CSMD1: variants seen among roughly 807,000 people sequenced by gnomAD.
CSMD1 encodes CUB and Sushi multiple domains 1.
CSMD1 carries 213 observed loss-of-function variants against 417.5 expected under a neutral mutation model. The observed-to-expected ratio is 0.51, with a 90% CI of 0.46 to 0.57. CSMD1 has a LOEUF of 0.57. CSMD1 is among the 20% of genes least tolerant of loss of function. The pLI is 0.00. For synonymous variants in CSMD1, 2,862 were observed against 1,736.8 expected, an observed-to-expected ratio of 1.65 and a Z score of -16.11; for missense variants, 6,923 against 4,529.7, an observed-to-expected ratio of 1.53 and a Z score of -15.17.
At chr8:4,808,979 A>C (rs562990431) in intron 1 of CSMD1, among the ~76,000 whole-genome samples, 6 of 152,320 alleles carry the variant, frequency 3.9e-5, no homozygotes, top group Admixed American at 3.9e-4. Context: ...AATCTTGTTT[A>C]AAATTGGAGG....
At chr8:4,952,947 T>G (rs956781091) in intron 1 of CSMD1, among the ~76,000 whole-genome samples, 1 of 152,216 alleles carries the variant, frequency 6.6e-6, no homozygotes, top group African/African-American at 2.4e-5. Context: ...GACATGGCAG[T>G]AATTGATACA....
intron 2 of CSMD1, among the ~76,000 whole-genome samples, chr8:4,580,953 A>G (rs901595362): frequency 1.3e-5 from 2 of 152,208 alleles, no homozygotes; most frequent in African/African-American, 4.8e-5. Context: ...TTTAGGTGAA[A>G]AGATAGACAA....
At chr8:2,982,543 G>T (rs1405741982) in intron 54 of CSMD1, among the ~76,000 whole-genome samples, 1 of 152,136 alleles carries the variant, frequency 6.6e-6, no homozygotes, top group Non-Finnish European at 1.5e-5. Context: ...AGATTTGATG[G>T]TGAATTATTT....
intron 18 of CSMD1, among the ~76,000 whole-genome samples, chr8:3,383,529 C>G (rs945440692): frequency 6.6e-6 from 1 of 151,906 alleles, no homozygotes; most frequent in Non-Finnish European, 1.5e-5. Flanking sequence ...AAGCCTTCTT[C>G]CACACTAGGA....
chr8:4,360,829 T>C (rs1016799871), intron 3 of CSMD1, among the ~76,000 whole-genome samples: 10 of 151,744 alleles, frequency 6.6e-5, no homozygotes, highest in Admixed American at 2.0e-4. Context: ...CCTGACACAA[T>C]TAATCACGGA....
chr8:3,317,455 T>A (rs1805848707), intron 23 of CSMD1, among the ~76,000 whole-genome samples: 1 of 152,196 alleles, frequency 6.6e-6, no homozygotes, highest in African/African-American at 2.4e-5. Flanking sequence ...TTGTATTCTC[T>A]GTTGTTCTGG....
rs71205410 is a variant in CSMD1 at position 4,051,879 on chromosome 8, TCTTCCTTCCTTC to T, written c.416-19792_416-19781del. On this transcript the variant is annotated intron_variant, in intron 3 of 69. Coordinates refer to ENST00000635120, the MANE Select transcript of CSMD1 (RefSeq NM_033225.6). ...CTCTTTCTTTCTTTCCTTCCTCCTTTCTTCCTTCCTTCCTTCCTTCCTTCCTTCCTTCCTTTC... is the reference window on the plus strand; with the variant it reads ...CTCTTTCTTTCTTTCCTTCCTCCTTTCTTCCTTCCTTCCTTCCTTCCTTTC... Among the ~76,000 whole-genome samples the T allele has an allele frequency of 9.7e-5, 6 of 61,942 alleles. No homozygotes were observed. In the South Asian group the frequency reaches 1.4e-3, roughly 15 times the overall value. 40.6% of individuals were successfully genotyped at this position (61,942 alleles called of 152,430 possible).
intron 3 of CSMD1, among the ~76,000 whole-genome samples, chr8:4,269,110 G>T (rs548121290): frequency 2.4e-4 from 36 of 152,278 alleles, no homozygotes; most frequent in African/African-American, 7.9e-4. Flanking sequence ...AGGCTGGAGT[G>T]CAGTGGTGTG....
rs1271753494 is a variant in CSMD1, at chr8:3,367,044, T to C, written c.3103A>G (p.Ile1035Val). ...AAGACCAACATACCTGAAAATGTGA[T>C]ATTGAAGCCCTCGTACGAAATTGAG... ...DFSISYEGFN[I>V]TFSEYDLEPC... Residue 1035 changes from isoleucine (I) to valine (V), a missense_variant, in exon 20 of 70, where the codon ATC (isoleucine) becomes GTC (valine). Transcript: ENST00000635120. The C allele has an allele frequency of 1.3e-5, 21 of 1,612,870 alleles. No homozygotes were observed. Among genetic ancestry groups the C allele is most frequent in the Non-Finnish European group, 1.8e-5 (21 of 1,179,310 alleles).
At chr8:3,788,942 A>G (rs1443782146) in intron 5 of CSMD1, among the ~76,000 whole-genome samples, 1 of 152,228 alleles carries the variant, frequency 6.6e-6, no homozygotes. Context: ...TTTCCTAGAC[A>G]GTATTGTAGA....
At chr8:3,541,912 A>T (rs1798456660) in intron 10 of CSMD1, among the ~76,000 whole-genome samples, 2 of 152,058 alleles carry the variant, frequency 1.3e-5, no homozygotes, top group South Asian at 4.1e-4. Context: ...AAATACAAAC[A>T]TTAGCTGGGC....
intron 12 of CSMD1, among the ~76,000 whole-genome samples, chr8:3,438,434 C>G (rs1261987083): frequency 6.6e-6 from 1 of 152,168 alleles, no homozygotes; most frequent in Non-Finnish European, 1.5e-5. Flanking sequence ...CCCATCAACA[C>G]CTCCCTCCTT....
rs542406164 is a variant in CSMD1 at position 4,602,224 on chromosome 8, A to T, written c.302+35118T>A. Among the ~76,000 whole-genome samples, 7 of 152,232 alleles carry T rather than the reference A, an allele frequency of 4.6e-5. No homozygotes were observed. The East Asian group carries it at 1.4e-3, about 29-fold the overall frequency. Reference sequence around the variant, plus strand: ...TTGCCTTTCCACCCTATGTCATTGAAAATTGATGTTGTTGGGAGTTATTTT... The same window carrying T: ...TTGCCTTTCCACCCTATGTCATTGATAATTGATGTTGTTGGGAGTTATTTT... On this transcript the variant is annotated intron_variant, in intron 2 of 69. Transcript: ENST00000635120.
intron 3 of CSMD1, among the ~76,000 whole-genome samples, chr8:4,393,634 T>A (rs1345996933): frequency 1.3e-5 from 2 of 152,186 alleles, no homozygotes; most frequent in Non-Finnish European, 2.9e-5. Context: ...ATTATCAATG[T>A]TGAAAAGACG....
intron 1 of CSMD1, among the ~76,000 whole-genome samples, chr8:4,823,578 C>G (rs780334830): frequency 1.3e-5 from 2 of 152,086 alleles, no homozygotes; most frequent in Non-Finnish European, 2.9e-5. Flanking sequence ...CCAGTACACA[C>G]AGCAAAGATG....
At chr8:4,027,323 T>C (rs1031732403) in intron 4 of CSMD1, among the ~76,000 whole-genome samples, 1 of 152,176 alleles carries the variant, frequency 6.6e-6, no homozygotes, top group Admixed American at 6.5e-5. Context: ...GATGATGGTA[T>C]GCTTTGGCTG....
At chr8:4,510,131 C>T (rs181341315) in intron 2 of CSMD1, among the ~76,000 whole-genome samples, 11 of 151,958 alleles carry the variant, frequency 7.2e-5, no homozygotes, top group African/African-American at 2.4e-4. Context: ...GGGAGTTCTC[C>T]TTCACACGCT....
chr8:3,673,075 A>C (rs565370344), intron 7 of CSMD1, among the ~76,000 whole-genome samples: 64 of 152,334 alleles, frequency 4.2e-4, no homozygotes, highest in African/African-American at 1.5e-3. Context: ...ATATACTGTA[A>C]ATGTTCAATA....
At chr8:3,740,763 A>G (rs922560067) in intron 6 of CSMD1, among the ~76,000 whole-genome samples, 30 of 152,346 alleles carry the variant, frequency 2.0e-4, no homozygotes, top group African/African-American at 7.0e-4. Flanking sequence ...AAAGCAAAGG[A>G]AAAAGTGAAA....
Sources: gnomAD v4.1 joint callset for allele counts (sites outside exome capture counted in the v4.1 genomes callset) on GRCh38, gnomAD v4.1.1 for gene constraint, MANE v1.5 for transcripts, NCBI Gene and HGNC (gene_info 2026-07-23, HGNC 2026-07-21) for gene names.